RNF38: variants seen among roughly 807,000 people sequenced by gnomAD.
The protein encoded by RNF38 is ring finger protein 38.
A neutral mutation model predicts 67.2 loss-of-function variants in RNF38; 15 were observed. The observed-to-expected ratio is 0.22, with a 90% CI of 0.15 to 0.34. The LOEUF is 0.34. Among genes scored for constraint, RNF38 ranks in the 10% least tolerant of loss-of-function variants. The pLI, the probability that RNF38 is intolerant of heterozygous loss-of-function variation, is 1.00. For synonymous variants in RNF38, 220 were observed against 218.8 expected, an observed-to-expected ratio of 1.01 and a Z score of -0.05; for missense variants, 524 against 639.9, an observed-to-expected ratio of 0.82 and a Z score of 1.95.
At chr9:36,396,758 T>C (rs1450501551) in intron 1 of RNF38, among the ~76,000 whole-genome samples, 12 of 151,576 alleles carry the variant, frequency 7.9e-5, no homozygotes, top group Non-Finnish European at 1.5e-5. Context: ...TTTTATGGTA[T>C]ATAAAACATA....
At chr9:36,482,820 A>G (rs1377834707) in intron 1 of RNF38, among the ~76,000 whole-genome samples, 1 of 152,218 alleles carries the variant, frequency 6.6e-6, no homozygotes, top group Non-Finnish European at 1.5e-5. Flanking sequence ...GGCAAGCACT[A>G]ACCCAGACCT....
intron 1 of RNF38, among the ~76,000 whole-genome samples, chr9:36,454,336 C>T (rs917183381): frequency 5.3e-5 from 8 of 151,968 alleles, no homozygotes; most frequent in Non-Finnish European, 4.4e-5. Context: ...CCAATGTTGG[C>T]CAGGCTGGTC....
rs560785224 is a variant in RNF38 at position 36,391,768 on chromosome 9, C to T, written c.13-1152G>A. ...AGCTGGGACTACAGGCGCCCGCCAC[C>T]CCGCCTGGCTAATTTTTTGTATTTT... On this transcript the variant is annotated intron_variant, in intron 1 of 11. Transcript: ENST00000259605. Among the ~76,000 whole-genome samples the T allele has an allele frequency of 3.1e-3, 475 of 152,118 alleles. 5 individuals are homozygous for T. Among genetic ancestry groups the T allele is most frequent in the Non-Finnish European group, 4.4e-3 (296 of 67,956 alleles).
chr9:36,469,586 G>A (rs189663110), intron 1 of RNF38, among the ~76,000 whole-genome samples: 7 of 152,210 alleles, frequency 4.6e-5, no homozygotes, highest in South Asian at 2.1e-4. Context: ...GCTTGAACCC[G>A]GGAGGTGGAG....
chr9:36,409,902 T>C (rs1408792105), intron 2 of RNF38, among the ~76,000 whole-genome samples: 1 of 152,228 alleles, frequency 6.6e-6, no homozygotes, highest in East Asian at 1.9e-4. Context: ...CTTAAGGCAG[T>C]ACAACTCTTT....
At chr9:36,381,501 C>T (rs1836210784) in intron 2 of RNF38, among the ~76,000 whole-genome samples, 1 of 152,118 alleles carries the variant, frequency 6.6e-6, no homozygotes, top group Non-Finnish European at 1.5e-5. Context: ...CAATAAGATA[C>T]CAAATTATAA....
chr9:36,379,458 A>G (rs1418978491), intron 2 of RNF38, among the ~76,000 whole-genome samples: 1 of 152,202 alleles, frequency 6.6e-6, no homozygotes, highest in East Asian at 1.9e-4. Context: ...GGAAATGAAT[A>G]TTGAACCCAA....
chr9:36,394,399 T>C (rs1837374319), intron 1 of RNF38, among the ~76,000 whole-genome samples: 3 of 152,212 alleles, frequency 2.0e-5, no homozygotes, highest in African/African-American at 7.2e-5. Flanking sequence ...TTTAAACAAA[T>C]AAATTTGTAG....
rs534587510 is a variant in RNF38 at position 36,422,973 on chromosome 9, G to A, written n.312+1640C>T. On this transcript the variant is annotated intron_variant and non_coding_transcript_variant, in intron 2 of 3. Transcript: ENST00000488058. ...GCAGTCTGGCTTCTATACCATAAAT[G>A]AACAAATGGATACTAGCATAACACA... 3.3e-5 allele frequency among the ~76,000 whole-genome samples: 5 copies of A among 152,208 alleles called. No homozygotes were observed. In the East Asian group the frequency reaches 9.7e-4, roughly 29 times the overall value.
Position 36,376,055 on chromosome 9 carries a change from C to T in RNF38, c.235G>A (p.Ala79Thr). Residue 79 changes from alanine to threonine, a missense_variant, in exon 3 of 12, where the codon GCT (alanine) becomes ACT (threonine). Coordinates refer to ENST00000259605, the MANE Select transcript of RNF38 (RefSeq NM_022781.5). ...CATGGTCGCATTGGTGGTGAGGGAGCTGGTGATGCTGATGTATAATCAAAG... is the reference window on the plus strand; with the variant it reads ...CATGGTCGCATTGGTGGTGAGGGAGTTGGTGATGCTGATGTATAATCAAAG... Reference protein sequence around the residue: ...SVFDYTSASPAPSPPMRPWEM... With the variant: ...SVFDYTSASPTPSPPMRPWEM... The T allele has an allele frequency of 1.2e-6, 2 of 1,613,242 alleles. No individual in the cohort carries two copies. The highest frequency in any genetic ancestry group is 1.7e-6 in the Non-Finnish European group (2 of 1,179,694).
At chr9:36,404,744 T>C (rs1301875772), upstream of RNF38, among the ~76,000 whole-genome samples, 2 of 152,232 alleles carry the variant, frequency 1.3e-5, no homozygotes, top group African/African-American at 4.8e-5. Flanking sequence ...TATCCTTGTC[T>C]ACTTGGCAGA....
chr9:36,400,001 CAT>C (rs745555706), intron 1 of RNF38, 94 bp downstream of exon 1: 42 of 1,093,864 alleles, frequency 3.8e-5, no homozygotes, highest in African/African-American at 7.9e-5. Context: ...GCAATAATTA[CAT>C]GTGTGTGTTT....
intron 2 of RNF38, among the ~76,000 whole-genome samples, chr9:36,388,636 G>T (rs528045704): frequency 6.1e-4 from 93 of 152,300 alleles, no homozygotes; most frequent in African/African-American, 2.0e-3. Flanking sequence ...GGTGTGGGGG[G>T]TGGTGGAAAT....
intron 2 of RNF38, among the ~76,000 whole-genome samples, chr9:36,385,953 G>C (rs1402000791): frequency 2.0e-5 from 3 of 152,118 alleles, no homozygotes; most frequent in African/African-American, 7.2e-5. Context: ...CTTTTTTGCT[G>C]GGAAAAGCCT....
intron 1 of RNF38, among the ~76,000 whole-genome samples, chr9:36,434,008 C>A (rs993771389): frequency 4.6e-5 from 7 of 151,662 alleles, no homozygotes; most frequent in Non-Finnish European, 1.0e-4. Flanking sequence ...GAGGCCAAGG[C>A]AGGTGGATCA....
At chr9:36,427,820 C>T (rs1838816622) in intron 1 of RNF38, among the ~76,000 whole-genome samples, 1 of 151,882 alleles carries the variant, frequency 6.6e-6, no homozygotes, top group African/African-American at 2.4e-5. Context: ...AAGCGATTAT[C>T]CTGTCTCAGC....
At chr9:36,374,204 TCAA>T (rs1489969419) in intron 3 of RNF38, among the ~76,000 whole-genome samples, 2 of 152,344 alleles carry the variant, frequency 1.3e-5, no homozygotes, top group Middle Eastern at 3.4e-3. Context: ...TCTTAATGTC[TCAA>T]CAGAATAGAG....
Position 36,467,033 on chromosome 9 carries a change from GC to G in RNF38, n.241+20274del, listed in dbSNP as rs566565310. Among the ~76,000 whole-genome samples, 89 of 143,654 alleles carry G rather than the reference GC, an allele frequency of 6.2e-4. 1 individual carries two copies. The highest frequency in any genetic ancestry group is 1.8e-3 in the African/African-American group (68 of 38,258). 94.2% of individuals were successfully genotyped at this position (143,654 alleles called of 152,430 possible). A position where few individuals can be genotyped will look rare whatever the true frequency, so the allele number is the denominator to read the frequency against. On this transcript the variant is annotated intron_variant and non_coding_transcript_variant, in intron 1 of 3. Coordinates refer to the RNF38 transcript ENST00000488058. ...GTCTCTACTAAAAATACAAAAATTAGCCAGGCGTGGTGGCACGCGCCTGTAA... is the reference window on the plus strand; with the variant it reads ...GTCTCTACTAAAAATACAAAAATTAGCAGGCGTGGTGGCACGCGCCTGTAA...
intron 1 of RNF38, among the ~76,000 whole-genome samples, chr9:36,486,516 G>A (rs888054826): frequency 6.6e-6 from 1 of 152,100 alleles, no homozygotes; most frequent in Non-Finnish European, 1.5e-5. Context: ...ACGAAATTCG[G>A]GCCATTTACT....
Sources: gnomAD v4.1 joint callset for allele counts (sites outside exome capture counted in the v4.1 genomes callset) on GRCh38, gnomAD v4.1.1 for gene constraint, MANE v1.5 for transcripts, NCBI Gene and HGNC (gene_info 2026-07-23, HGNC 2026-07-21) for gene names.